The following RELN variants were observed in gnomAD, a reference collection of about 807,000 sequenced individuals.
The protein encoded by RELN is reelin.
A neutral mutation model predicts 427.6 loss-of-function variants in RELN; 108 were observed. That is an observed-to-expected ratio of 0.25 (90% CI 0.22 to 0.30). The LOEUF (loss-of-function observed/expected upper bound fraction) is 0.30. RELN is among the 10% of genes least tolerant of loss of function. The pLI is 1.00. For synonymous variants in RELN, 1,524 were observed against 1,513.4 expected (o/e 1.01, Z -0.16); for missense variants, 3,715 against 4,302.8 (o/e 0.86, Z 3.82).
intron 20 of RELN, among the ~76,000 whole-genome samples, chr7:103,612,250 T>C (rs1278951624): frequency 1.3e-5 from 2 of 151,940 alleles, no homozygotes; most frequent in African/African-American, 4.8e-5. Flanking sequence ...CGGAACATTA[T>C]CTATCTTTCA....
chr7:103,573,948 T>C lies in RELN; in HGVS notation c.4511+144A>G, dbSNP rs182857503. On this transcript the variant is annotated intron_variant, in intron 30 of 64. Coordinates refer to ENST00000428762, the MANE Select transcript of RELN (RefSeq NM_005045.4). The surrounding 1 kb of genome is among the most constrained non-coding windows in gnomAD (Gnocchi z 4.4). Reference sequence around the variant, plus strand: ...ACCTATTTTATTCCAAAGCTAAAGTTATCTTCATTTTTACATATCATAATC... The same window carrying C: ...ACCTATTTTATTCCAAAGCTAAAGTCATCTTCATTTTTACATATCATAATC... 304 of 748,538 alleles carry C rather than the reference T, an allele frequency of 4.1e-4. No individual in the cohort carries two copies. Among genetic ancestry groups the C allele is most frequent in the Non-Finnish European group, 5.3e-4 (230 of 435,612 alleles). The allele number at this position is 748,538 out of a possible 1,614,324, so 46.4% of individuals were successfully genotyped here.
intron 40 of RELN, among the ~76,000 whole-genome samples, chr7:103,551,936 T>C (rs1584287758): frequency 7.1e-6 from 1 of 141,090 alleles, no homozygotes; most frequent in Admixed American, 7.6e-5. Flanking sequence ...TGTGTGTGTG[T>C]GGGTGTGTGT....
chr7:103,856,851 A>C lies in RELN; in HGVS notation c.338-23179T>G, dbSNP rs188444830. Reference sequence around the variant, plus strand: ...TGCATGCATAATTATATATTTGTCGATTTATGTACTTTTAATTTGAATATG... The same window carrying C: ...TGCATGCATAATTATATATTTGTCGCTTTATGTACTTTTAATTTGAATATG... On this transcript the variant is annotated intron_variant, in intron 2 of 64. Transcript: ENST00000428762. Among the ~76,000 whole-genome samples, 281 of 152,170 alleles carry C rather than the reference A, an allele frequency of 1.8e-3. 2 individuals are homozygous for C. The highest frequency in any genetic ancestry group is 6.5e-3 in the African/African-American group (271 of 41,516).
chr7:103,590,637 C>T (rs1397607131), intron 27 of RELN, among the ~76,000 whole-genome samples: 1 of 151,638 alleles, frequency 6.6e-6, no homozygotes, highest in East Asian at 1.9e-4. Context: ...GATGAAACAG[C>T]TGAGTGTTTA....
intron 6 of RELN, among the ~76,000 whole-genome samples, chr7:103,744,740 C>T (rs1418406310): frequency 6.6e-6 from 1 of 152,108 alleles, no homozygotes; most frequent in Non-Finnish European, 1.5e-5. Context: ...CTGAATAGAC[C>T]AATAACAGGC....
chr7:103,478,087 C>A (rs1457898844), intron 64 of RELN, among the ~76,000 whole-genome samples: 1 of 152,112 alleles, frequency 6.6e-6, no homozygotes, highest in Admixed American at 6.5e-5. Context: ...CGGTGTCAAG[C>A]ACAGAGCAGA....
At chr7:103,885,250 A>G (rs1364442552) in intron 2 of RELN, among the ~76,000 whole-genome samples, 1 of 151,956 alleles carries the variant, frequency 6.6e-6, no homozygotes, top group Non-Finnish European at 1.5e-5. Flanking sequence ...GAGGCAGGAG[A>G]ATGGCGTGAA....
At chr7:103,535,852 G>A (rs930600111) in intron 45 of RELN, among the ~76,000 whole-genome samples, 9 of 151,838 alleles carry the variant, frequency 5.9e-5, no homozygotes, top group African/African-American at 1.9e-4. Flanking sequence ...AGATATATTT[G>A]TAATTTAATA....
At chr7:103,557,903 TG>T (rs1380370711) in intron 37 of RELN, 61 bp downstream of exon 37, 11 of 813,654 alleles carry the variant, frequency 1.4e-5, no homozygotes, top group Non-Finnish European at 2.2e-5. Flanking sequence ...GTGATTTCTT[TG>T]TGGAAAAGGA....
intron 19 of RELN, among the ~76,000 whole-genome samples, chr7:103,630,851 GTTTTT>G (rs869145881): frequency 1.5e-4 from 3 of 20,548 alleles, no homozygotes; most frequent in African/African-American, 6.1e-4. Flanking sequence ...TTATTTTTTT[GTTTTT>G]TTTGTTTTTT....
intron 61 of RELN, among the ~76,000 whole-genome samples, chr7:103,485,039 C>T (rs1423182952): frequency 2.0e-5 from 3 of 152,072 alleles, no homozygotes; most frequent in African/African-American, 7.2e-5. Flanking sequence ...TAAGATTCCT[C>T]ATGATTAACA....
In RELN at chr7:103,573,887, G is replaced by A. The variant is rs1393782003; in HGVS notation, c.4511+205C>T. Reference sequence around the variant, plus strand: ...ACAGGCCTTGGTGATGACCACACATGGATTTATGAATTGCAGCATGGTCTT... The same window carrying A: ...ACAGGCCTTGGTGATGACCACACATAGATTTATGAATTGCAGCATGGTCTT... On this transcript the variant is annotated intron_variant, in intron 30 of 64. Coordinates refer to ENST00000428762, the MANE Select transcript of RELN (RefSeq NM_005045.4). This position sits in a 1 kb window ranked among gnomAD's most constrained non-coding sequence, Gnocchi z 4.4. 6.6e-6 allele frequency among the ~76,000 whole-genome samples: 1 copy of A among 152,026 alleles called. No homozygotes were observed. The highest frequency in any genetic ancestry group is 1.5e-5 in the Non-Finnish European group (1 of 68,006).
intron 2 of RELN, among the ~76,000 whole-genome samples, chr7:103,888,148 T>G (rs1794764590): frequency 1.3e-5 from 2 of 151,942 alleles, no homozygotes; most frequent in Non-Finnish European, 2.9e-5. Flanking sequence ...TCTCAAAAAT[T>G]TATACAAATG....
chr7:103,936,645 C>T (rs950672122), intron 1 of RELN, among the ~76,000 whole-genome samples: 4 of 151,200 alleles, frequency 2.6e-5, no homozygotes, highest in African/African-American at 9.8e-5. Flanking sequence ...CCACACTTAA[C>T]TTTTCCCTCC....
At chr7:103,651,871 G>T in intron 14 of RELN, 82 bp from the exon 15 acceptor site, 1 of 1,419,604 alleles carries the variant, frequency 7.0e-7, no homozygotes, top group Non-Finnish European at 9.8e-7. Context: ...CTCTGGTTAA[G>T]TACATTAAAC....
chr7:103,733,492 T>C (rs1053224153), intron 6 of RELN, among the ~76,000 whole-genome samples: 3 of 142,476 alleles, frequency 2.1e-5, no homozygotes, highest in African/African-American at 5.3e-5. Flanking sequence ...CATGCACATG[T>C]ATGTTTATTG....
At position 103,781,094 on chromosome 7, in the gene RELN, T is replaced by C. The variant is rs111910308; in HGVS notation, c.474-4467A>G. Reference sequence around the variant, plus strand: ...CACCCTATAGAAGACGCATGGTTAGTATTTCTAAAGGTCTGCATATTGGCA... The same window carrying C: ...CACCCTATAGAAGACGCATGGTTAGCATTTCTAAAGGTCTGCATATTGGCA... On this transcript the variant is annotated intron_variant, in intron 3 of 64. Transcript: ENST00000428762. 5.2e-3 allele frequency among the ~76,000 whole-genome samples: 798 copies of C among 152,288 alleles called. 3 individuals carry two copies. The highest frequency in any genetic ancestry group is 0.018 in the African/African-American group (741 of 41,560).
At chr7:103,872,890 C>A (rs1416232893) in intron 2 of RELN, among the ~76,000 whole-genome samples, 1 of 151,044 alleles carries the variant, frequency 6.6e-6, no homozygotes, top group Admixed American at 6.6e-5. Flanking sequence ...TCATGTCCTT[C>A]GCCCACTTTT....
At chr7:103,752,001 G>A (rs928755850) in intron 5 of RELN, among the ~76,000 whole-genome samples, 4 of 152,106 alleles carry the variant, frequency 2.6e-5, no homozygotes, top group African/African-American at 9.7e-5. Flanking sequence ...GAAAATTAAC[G>A]CTTAAAGATC....
Sources: allele counts gnomAD v4.1 joint callset (sites outside exome capture counted in the v4.1 genomes callset), GRCh38; gene constraint gnomAD v4.1.1; non-coding constraint Gnocchi (gnomAD v3.1); transcripts MANE v1.5; gene names NCBI Gene and HGNC (gene_info 2026-07-23, HGNC 2026-07-21).